The following GALNT10 variants were observed in gnomAD, a reference collection of about 807,000 sequenced individuals.
GALNT10 encodes polypeptide N-acetylgalactosaminyltransferase 10, also known as GalNAc transferase 10.
A neutral mutation model predicts 75.0 loss-of-function variants in GALNT10; 41 were observed. The observed-to-expected ratio is 0.55, with a 90% CI of 0.43 to 0.71. GALNT10 has a LOEUF of 0.71. GALNT10 is among the 30% of genes least tolerant of loss of function. The pLI, the probability that GALNT10 is intolerant of heterozygous loss-of-function variation, is 0.00. For synonymous variants in GALNT10, 302 were observed against 313.0 expected (o/e 0.96, Z 0.37); for missense variants, 727 against 818.5 (o/e 0.89, Z 1.36).
At chr5:154,250,167 C>A (rs1753492449) in intron 1 of GALNT10, among the ~76,000 whole-genome samples, 1 of 152,144 alleles carries the variant, frequency 6.6e-6, no homozygotes, top group South Asian at 2.1e-4. Context: ...CTGCTGCAGC[C>A]CCCTATGTGT....
intron 6 of GALNT10, among the ~76,000 whole-genome samples, chr5:154,384,984 G>C (rs2113183630): frequency 6.6e-6 from 1 of 152,300 alleles, no homozygotes; most frequent in Non-Finnish European, 1.5e-5. Context: ...TAAATATTCA[G>C]GGGCTCCCCT....
At chr5:154,271,194 T>C (rs909860305) in intron 1 of GALNT10, among the ~76,000 whole-genome samples, 1 of 151,942 alleles carries the variant, frequency 6.6e-6, no homozygotes, top group South Asian at 2.1e-4. Flanking sequence ...GGTTTAATAA[T>C]AGAGCCAAAG....
chr5:154,310,364 T>C (rs1296341361), intron 3 of GALNT10, among the ~76,000 whole-genome samples: 1 of 152,154 alleles, frequency 6.6e-6, no homozygotes, highest in African/African-American at 2.4e-5. Flanking sequence ...GGAGGGCCTG[T>C]AGATGGAATG....
At chr5:154,204,755 G>T (rs1484962225) in intron 1 of GALNT10, among the ~76,000 whole-genome samples, 3 of 152,222 alleles carry the variant, frequency 2.0e-5, no homozygotes, top group South Asian at 2.1e-4. Flanking sequence ...ACCATCTGAA[G>T]TACCTCTTTC....
At chr5:154,327,495 C>T (rs1268180985) in intron 3 of GALNT10, among the ~76,000 whole-genome samples, 1 of 152,168 alleles carries the variant, frequency 6.6e-6, no homozygotes, top group Non-Finnish European at 1.5e-5. Context: ...CAGGAACCAA[C>T]CTGAGAAGAC....
intron 1 of GALNT10, among the ~76,000 whole-genome samples, chr5:154,269,784 C>T (rs560156810): frequency 2.6e-5 from 4 of 152,262 alleles, no homozygotes; most frequent in African/African-American, 9.6e-5. Flanking sequence ...GGACATCCTT[C>T]GGAAGGGAAT....
chr5:154,400,325 T>A (rs1215634123), intron 7 of GALNT10, among the ~76,000 whole-genome samples: 2 of 152,124 alleles, frequency 1.3e-5, no homozygotes, highest in Non-Finnish European at 2.9e-5. Context: ...AGGCCCTCCC[T>A]TACTGTGTGG....
intron 1 of GALNT10, among the ~76,000 whole-genome samples, chr5:154,250,644 G>A (rs896049395): frequency 4.6e-5 from 7 of 152,234 alleles, no homozygotes; most frequent in African/African-American, 9.6e-5. Flanking sequence ...TCAGAGTTCT[G>A]TTAGGAAGGA....
At chr5:154,250,517 G>T (rs931116686) in intron 1 of GALNT10, among the ~76,000 whole-genome samples, 30 of 152,126 alleles carry the variant, frequency 2.0e-4, no homozygotes, top group Non-Finnish European at 4.0e-4. Flanking sequence ...GTACTTAAAT[G>T]TACATGTACA....
intron 1 of GALNT10, among the ~76,000 whole-genome samples, chr5:154,257,919 C>T (rs141458246): frequency 4.1e-4 from 63 of 152,208 alleles, no homozygotes; most frequent in African/African-American, 1.5e-3. Flanking sequence ...TACCAGAATA[C>T]GCTGTTACAA....
At chr5:154,340,871 G>A (rs1040980575) in intron 4 of GALNT10, among the ~76,000 whole-genome samples, 14 of 152,130 alleles carry the variant, frequency 9.2e-5, no homozygotes, top group African/African-American at 2.9e-4. Context: ...AAAAATAGGC[G>A]ACAGTTGACA....
intron 4 of GALNT10, among the ~76,000 whole-genome samples, chr5:154,335,133 G>A (rs528990002): frequency 2.0e-5 from 3 of 152,126 alleles, no homozygotes; most frequent in African/African-American, 7.2e-5. Context: ...TATTGCTTGG[G>A]TTCTTTCGCC....
At chr5:154,397,068 A>G (rs532376365) in intron 7 of GALNT10, among the ~76,000 whole-genome samples, 4 of 151,838 alleles carry the variant, frequency 2.6e-5, no homozygotes, top group Non-Finnish European at 5.9e-5. Flanking sequence ...CGGAGGTTGC[A>G]GTGAACCGAG....
chr5:154,262,685 G>T (rs1292055506), intron 1 of GALNT10, among the ~76,000 whole-genome samples: 1 of 152,170 alleles, frequency 6.6e-6, no homozygotes, highest in Non-Finnish European at 1.5e-5. Context: ...AGGTCATTGT[G>T]CTCAGCACTA....
At chr5:154,212,057 C>T (rs186827404) in intron 1 of GALNT10, among the ~76,000 whole-genome samples, 6 of 152,286 alleles carry the variant, frequency 3.9e-5, no homozygotes, top group East Asian at 1.9e-4. Context: ...CACCATAGTT[C>T]CTGAAAGCCT....
chr5:154,340,044 G>A (rs749671191), intron 4 of GALNT10, among the ~76,000 whole-genome samples: 3 of 152,168 alleles, frequency 2.0e-5, no homozygotes, highest in Non-Finnish European at 2.9e-5. Context: ...TTAGGTTGGT[G>A]CAAAAGAAAT....
At chr5:154,250,299 C>G (rs1441752814) in intron 1 of GALNT10, among the ~76,000 whole-genome samples, 1 of 152,106 alleles carries the variant, frequency 6.6e-6, no homozygotes, top group Non-Finnish European at 1.5e-5. Context: ...TTCCAATTGT[C>G]TAGGTGGGCT....
rs538131215 is a variant in GALNT10, at chr5:154,333,098, G to T, written c.568+3360G>T. Among the ~76,000 whole-genome samples the T allele has an allele frequency of 4.4e-4, 67 of 152,324 alleles. No homozygotes were observed. In the South Asian group the frequency reaches 8.3e-3, roughly 19 times the overall value. On this transcript the variant is annotated intron_variant, in intron 4 of 11. Transcript: ENST00000297107. Reference sequence around the variant, plus strand: ...TATGGAGAACCTCACAGGCACATGTGGGGTTCAGGTGCCTCTCCTGGTGTG... The same window carrying T: ...TATGGAGAACCTCACAGGCACATGTTGGGTTCAGGTGCCTCTCCTGGTGTG...
intron 4 of GALNT10, chr5:154,356,038 GA>G: frequency 2.3e-6 from 1 of 431,392 alleles, no homozygotes. Flanking sequence ...TTCATTTCCT[GA>G]AAGCCTCTGT....
Sources: gnomAD v4.1 joint callset for allele counts (sites outside exome capture counted in the v4.1 genomes callset) on GRCh38, gnomAD v4.1.1 for gene constraint, MANE v1.5 for transcripts, NCBI Gene and HGNC (gene_info 2026-07-23, HGNC 2026-07-21) for gene names.